RUNX1T1: variants seen among roughly 807,000 people sequenced by gnomAD.
RUNX1T1 encodes RUNX1 partner transcriptional co-repressor 1, also known as protein CBFA2T1.
A neutral mutation model predicts 62.8 loss-of-function variants in RUNX1T1; 4 were observed. The observed-to-expected ratio is 0.06, with a 90% CI of 0.03 to 0.15. The LOEUF is 0.15. RUNX1T1 is among the 10% of genes least tolerant of loss of function. The pLI, the probability that RUNX1T1 is intolerant of heterozygous loss-of-function variation, is 1.00. For missense variants in RUNX1T1, 508 were observed against 754.3 expected (o/e 0.67, Z 3.82); for synonymous variants, 291 against 286.0 (o/e 1.02, Z -0.18).
intron 1 of RUNX1T1, among the ~76,000 whole-genome samples, chr8:92,018,545 C>T: frequency 6.6e-6 from 1 of 152,136 alleles, no homozygotes; most frequent in East Asian, 1.9e-4. Flanking sequence ...CACACTTGGG[C>T]TTTTAGAAAA....
chr8:91,988,810 A>G (rs1399275056), intron 6 of RUNX1T1, among the ~76,000 whole-genome samples: 1 of 152,208 alleles, frequency 6.6e-6, no homozygotes, highest in Non-Finnish European at 1.5e-5. Flanking sequence ...AGTGCATTAG[A>G]AACATGTTTG....
chr8:92,023,106 A>T (rs538940540), intron 1 of RUNX1T1, among the ~76,000 whole-genome samples: 9 of 152,310 alleles, frequency 5.9e-5, no homozygotes, highest in African/African-American at 2.2e-4. Flanking sequence ...CCATGAAAGG[A>T]GGTCTACTGA....
intron 7 of RUNX1T1, 55 bp downstream of exon 8, chr8:91,986,832 C>T: frequency 9.1e-7 from 1 of 1,096,726 alleles, no homozygotes; most frequent in South Asian, 1.2e-5. Context: ...CACATAACCT[C>T]ACTCCAGTTG....
intron 1 of RUNX1T1, among the ~76,000 whole-genome samples, chr8:92,043,538 A>T (rs1339103755): frequency 6.6e-6 from 1 of 152,036 alleles, no homozygotes. Context: ...TGAAATAATA[A>T]AAAGTATGAT....
At chr8:91,966,757 A>T (rs1419466279) in intron 10 of RUNX1T1, among the ~76,000 whole-genome samples, 1 of 152,204 alleles carries the variant, frequency 6.6e-6, no homozygotes, top group African/African-American at 2.4e-5. Flanking sequence ...GGGAAAAGAG[A>T]AAGTACAGTA....
intron 1 of RUNX1T1, among the ~76,000 whole-genome samples, chr8:92,045,522 A>C (rs1439987120): frequency 6.6e-6 from 1 of 152,250 alleles, no homozygotes; most frequent in Non-Finnish European, 1.5e-5. Flanking sequence ...ACGCAGGCTC[A>C]AAATTCAAAC....
chr8:91,979,730 G>A, intron 8 of RUNX1T1: 1 of 415,604 alleles, frequency 2.4e-6, no homozygotes, highest in African/African-American at 2.0e-5. Context: ...AGAACAGAAA[G>A]AGCAATCTAT....
At position 92,008,333 on chromosome 8, in the gene RUNX1T1, C is replaced by A. The variant is rs916823451; in HGVS notation, c.477+2669G>T. On this transcript the variant is annotated intron_variant, in intron 4 of 10. Coordinates refer to ENST00000396218, the Ensembl canonical transcript of RUNX1T1. ...CTTTACTAATACTGTCTCCCACATT[C>A]TTCTTATCAAAAAGAATTATTTGGG... Among the ~76,000 whole-genome samples the A allele has an allele frequency of 7.8e-4, 117 of 150,736 alleles. 2 individuals are homozygous for A. Among genetic ancestry groups the A allele is most frequent in the Non-Finnish European group, 4.3e-4 (29 of 67,726 alleles).
rs143448611 is a variant in RUNX1T1, at chr8:91,984,561, G to T, written c.1198+1563C>A. On this transcript the variant is annotated intron_variant, in intron 8 of 10. Coordinates refer to ENST00000396218, the Ensembl canonical transcript of RUNX1T1. The stretch of plus-strand genomic sequence containing the variant: ...GCACATTGCCTGGCACATAGTAAGT[G>T]CTCAATAAATAAGTACTGACTCAAT... Among the ~76,000 whole-genome samples, 892 of 152,202 alleles carry T rather than the reference G, an allele frequency of 5.9e-3. 5 individuals carry two copies. Among genetic ancestry groups the T allele is most frequent in the African/African-American group, 0.02 (842 of 41,540 alleles).
At chr8:91,982,894 A>G (rs1270191528) in intron 8 of RUNX1T1, among the ~76,000 whole-genome samples, 1 of 150,072 alleles carries the variant, frequency 6.7e-6, no homozygotes, top group Admixed American at 6.7e-5. Context: ...TTCAAAAAAG[A>G]GATTTTAATA....
chr8:92,058,963 C>T (rs1193321310), intron 1 of RUNX1T1, among the ~76,000 whole-genome samples: 1 of 152,094 alleles, frequency 6.6e-6, no homozygotes, highest in African/African-American at 2.4e-5. Context: ...ATTAACTGCA[C>T]AGGAAGATGG....
chr8:92,091,278 T>C (rs1484932201), intron 1 of RUNX1T1, among the ~76,000 whole-genome samples: 1 of 152,238 alleles, frequency 6.6e-6, no homozygotes, highest in South Asian at 2.1e-4. Context: ...TATTCCTTCA[T>C]GAATTACTTT....
intron 1 of RUNX1T1, among the ~76,000 whole-genome samples, chr8:92,057,289 A>G (rs977450856): frequency 6.6e-6 from 1 of 152,214 alleles, no homozygotes; most frequent in African/African-American, 2.4e-5. Flanking sequence ...CCATCAAGCC[A>G]CAACATACCC....
At chr8:91,970,771 G>A in exon 10 of RUNX1T1, 1 of 1,613,516 alleles carries the variant, frequency 6.2e-7, no homozygotes, top group East Asian at 2.2e-5. Context: ...ATCATGTCGT[G>A]GGCTTTCCGC....
intron 1 of RUNX1T1, among the ~76,000 whole-genome samples, chr8:92,023,555 T>C (rs1320131472): frequency 1.3e-5 from 2 of 152,204 alleles, no homozygotes; most frequent in Non-Finnish European, 2.9e-5. Flanking sequence ...TCACTCCTCA[T>C]CAATGATTTA....
At chr8:91,963,987 T>C (rs552761751) in intron 10 of RUNX1T1, among the ~76,000 whole-genome samples, 8 of 152,262 alleles carry the variant, frequency 5.3e-5, no homozygotes, top group Non-Finnish European at 8.8e-5. Context: ...TTATTCCCTT[T>C]TTGGCATAAA....
At chr8:91,960,652 AC>A in intron 10 of RUNX1T1, 135 bp from the exon 12 acceptor site, 1 of 903,928 alleles carries the variant, frequency 1.1e-6, no homozygotes, top group African/African-American at 1.7e-5. Context: ...CCAGGTGTTC[AC>A]GTATGGATAC....
chr8:92,033,273 T>G (rs1826599802), intron 1 of RUNX1T1, among the ~76,000 whole-genome samples: 1 of 152,208 alleles, frequency 6.6e-6, no homozygotes, highest in East Asian at 1.9e-4. Flanking sequence ...TATATTTACT[T>G]GGAAAGATCT....
intron 5 of RUNX1T1, among the ~76,000 whole-genome samples, chr8:92,003,916 A>T (rs1267764533): frequency 6.6e-6 from 1 of 152,246 alleles, no homozygotes; most frequent in East Asian, 1.9e-4. Context: ...AAGGGGACTA[A>T]TATTTAACTG....
Sources: allele counts gnomAD v4.1 joint callset (sites outside exome capture counted in the v4.1 genomes callset), GRCh38; gene constraint gnomAD v4.1.1; transcripts MANE v1.5; gene names NCBI Gene and HGNC (gene_info 2026-07-23, HGNC 2026-07-21).